The following CPNE4 variants were observed in gnomAD, a reference collection of about 807,000 sequenced individuals.
CPNE4 encodes the protein copine-4.
In CPNE4, 25 loss-of-function variants were observed where a neutral mutation model predicts 67.9. The ratio of observed to expected loss-of-function variants is 0.37; its 90% CI spans 0.27 to 0.51. CPNE4 has a LOEUF of 0.51. Ranked by LOEUF, CPNE4 falls within the 20% of genes least tolerant of loss-of-function variation. The pLI is 0.93. For missense variants in CPNE4, 464 were observed against 690.8 expected, an observed-to-expected ratio of 0.67 and a Z score of 3.68; for synonymous variants, 242 against 244.9, an observed-to-expected ratio of 0.99 and a Z score of 0.11.
At chr3:131,703,478 C>G (rs903381228) in intron 3 of CPNE4, among the ~76,000 whole-genome samples, 3 of 152,130 alleles carry the variant, frequency 2.0e-5, no homozygotes, top group African/African-American at 7.2e-5. Context: ...CTGCATCCAC[C>G]CACGGATCTG....
intron 2 of CPNE4, among the ~76,000 whole-genome samples, chr3:131,805,361 A>G (rs951573341): frequency 3.3e-5 from 5 of 152,210 alleles, no homozygotes; most frequent in African/African-American, 1.2e-4. Flanking sequence ...CAGTGAAACC[A>G]CAAGCCAGTG....
intron 8 of CPNE4, among the ~76,000 whole-genome samples, chr3:131,586,897 T>C (rs1938217309): frequency 6.6e-6 from 1 of 152,112 alleles, no homozygotes; most frequent in South Asian, 2.1e-4. Context: ...TGGCATCAAA[T>C]GTGTAAGAGT....
At chr3:131,546,400 C>A (rs1023598181) in intron 14 of CPNE4, among the ~76,000 whole-genome samples, 19 of 151,994 alleles carry the variant, frequency 1.3e-4, no homozygotes, top group African/African-American at 4.6e-4. Context: ...CATTTTTTAC[C>A]TGGAAGAGTT....
At position 131,890,002 on chromosome 3, in the gene CPNE4, GA is replaced by G. The variant is rs200752543; in HGVS notation, c.180+15261del. 9.1e-3 allele frequency among the ~76,000 whole-genome samples: 1,382 copies of G among 151,962 alleles called. 9 individuals are homozygous for G. Among genetic ancestry groups the G allele is most frequent in the Non-Finnish European group, 0.015 (986 of 67,938 alleles). On this transcript the variant is annotated intron_variant, in intron 2 of 15. Coordinates refer to ENST00000429747, the MANE Select transcript of CPNE4 (RefSeq NM_130808.3). ...TGAAAAATTACTACAAGAAAATATA[GA>G]AAAAAATTATCAAAATTGATTTGTG...
At chr3:131,553,528 T>C (rs1052344180) in intron 12 of CPNE4, among the ~76,000 whole-genome samples, 2 of 152,076 alleles carry the variant, frequency 1.3e-5, no homozygotes, top group Non-Finnish European at 2.9e-5. Context: ...AGCTCCCTTA[T>C]CCCTTGGGGT....
intron 1 of CPNE4, among the ~76,000 whole-genome samples, chr3:131,984,586 T>A (rs922947062): frequency 3.3e-5 from 5 of 152,204 alleles, no homozygotes; most frequent in Admixed American, 3.3e-4. Context: ...ACTATAGATA[T>A]CAGTGCCTGC....
chr3:131,918,168 A>G (rs561345164), intron 1 of CPNE4, among the ~76,000 whole-genome samples: 19 of 152,356 alleles, frequency 1.2e-4, no homozygotes, highest in African/African-American at 4.3e-4. Flanking sequence ...GCACAACCCA[A>G]AAATGGAGGA....
chr3:131,558,903 G>A (rs760000169), intron 11 of CPNE4, among the ~76,000 whole-genome samples: 8 of 151,722 alleles, frequency 5.3e-5, no homozygotes, highest in Admixed American at 3.3e-4. Flanking sequence ...ACATCCATAT[G>A]TGTTTTTTGC....
chr3:131,588,570 C>G (rs1363313571), intron 7 of CPNE4, among the ~76,000 whole-genome samples: 3 of 152,106 alleles, frequency 2.0e-5, no homozygotes, highest in African/African-American at 7.2e-5. Flanking sequence ...GCCGGTCTTG[C>G]CTGAAAAATC....
At chr3:131,798,141 C>T (rs780243495) in intron 2 of CPNE4, among the ~76,000 whole-genome samples, 6 of 152,140 alleles carry the variant, frequency 3.9e-5, no homozygotes, top group Non-Finnish European at 2.9e-5. Context: ...TCTTCAAATA[C>T]CATCACTTTG....
At position 131,834,828 on chromosome 3, in the gene CPNE4, T is replaced by A. The variant is rs374194759; in HGVS notation, c.180+70436A>T. Among the ~76,000 whole-genome samples, 8 of 152,216 alleles carry A rather than the reference T, an allele frequency of 5.3e-5. No homozygotes were observed. In the East Asian group the frequency reaches 1.5e-3, roughly 29 times the overall value. ...ACAGTTACTGTAAACAGGTAGTGTA[T>A]AAAGTAAATATATAAAGTTTTGGTA... On this transcript the variant is annotated intron_variant, in intron 2 of 15. Transcript: ENST00000429747.
At chr3:131,873,714 A>C (rs2087314519) in intron 2 of CPNE4, among the ~76,000 whole-genome samples, 1 of 152,200 alleles carries the variant, frequency 6.6e-6, no homozygotes, top group Non-Finnish European at 1.5e-5. Context: ...TCCACTCTCT[A>C]GAAGGATGAC....
At chr3:131,704,249 C>G (rs1371112020) in intron 3 of CPNE4, among the ~76,000 whole-genome samples, 1 of 152,192 alleles carries the variant, frequency 6.6e-6, no homozygotes, top group Non-Finnish European at 1.5e-5. Flanking sequence ...CCAATTCAGG[C>G]ATCTCTTTGC....
intron 3 of CPNE4, among the ~76,000 whole-genome samples, chr3:131,714,882 A>C (rs1211606091): frequency 6.6e-6 from 1 of 152,198 alleles, no homozygotes; most frequent in East Asian, 1.9e-4. Context: ...GACTTCTTCA[A>C]GGTGTCAGGG....
chr3:132,019,592 G>C (rs2073951221), intron 1 of CPNE4, among the ~76,000 whole-genome samples: 1 of 152,072 alleles, frequency 6.6e-6, no homozygotes, highest in Non-Finnish European at 1.5e-5. Flanking sequence ...TTTAAAAACA[G>C]AATAATAAAG....
chr3:131,543,227 T>G (rs1195050745), intron 14 of CPNE4: 1 of 157,348 alleles, frequency 6.4e-6, no homozygotes, highest in Non-Finnish European at 1.4e-5. Context: ...AATACAATGA[T>G]GACTAACCCC....
chr3:131,831,782 T>G (rs2085380612), intron 2 of CPNE4, among the ~76,000 whole-genome samples: 1 of 152,188 alleles, frequency 6.6e-6, no homozygotes, highest in South Asian at 2.1e-4. Context: ...AGTGCGGACT[T>G]TGTCATTCAA....
intron 2 of CPNE4, among the ~76,000 whole-genome samples, chr3:131,880,227 T>C (rs1583393934): frequency 6.6e-6 from 1 of 151,640 alleles, no homozygotes; most frequent in Admixed American, 6.6e-5. Context: ...GCCATTCTCC[T>C]GCCTCACCCT....
chr3:131,537,171 G>A (rs886220916), intron 15 of CPNE4, among the ~76,000 whole-genome samples: 1 of 150,610 alleles, frequency 6.6e-6, no homozygotes, highest in African/African-American at 2.5e-5. Context: ...TACAGGAGTA[G>A]TAAAAGTATT....
Sources: gnomAD v4.1 joint callset for allele counts (sites outside exome capture counted in the v4.1 genomes callset) on GRCh38, gnomAD v4.1.1 for gene constraint, MANE v1.5 for transcripts, NCBI Gene and HGNC (gene_info 2026-07-23, HGNC 2026-07-21) for gene names.